The following GNG7 variants were observed in gnomAD, a reference collection of about 807,000 sequenced individuals.
GNG7 encodes the protein guanine nucleotide-binding protein G(I)/G(S)/G(O) subunit gamma-7.
A neutral mutation model predicts 4.0 loss-of-function variants in GNG7; 1 was observed. The observed-to-expected ratio is 0.25, with a 90% confidence interval of 0.09 to 1.18. GNG7 has a LOEUF of 1.18. Among genes scored for constraint, GNG7 ranks in the 50% most tolerant of loss-of-function variants. The pLI, the probability that GNG7 is intolerant of heterozygous loss-of-function variation, is 0.50. For missense variants in GNG7, 86 were observed against 91.9 expected (o/e 0.94, Z 0.26); for synonymous variants, 34 against 36.9 (o/e 0.92, Z 0.29).
At chr19:2,622,579 G>A (rs1302338582) in intron 2 of GNG7, among the ~76,000 whole-genome samples, 1 of 141,542 alleles carries the variant, frequency 7.1e-6, no homozygotes, top group South Asian at 2.3e-4. Context: ...CGCGAGCAAC[G>A]CGGCAGAGAG....
chr19:2,586,276 G>T (rs1397448170), intron 2 of GNG7, among the ~76,000 whole-genome samples: 1 of 152,210 alleles, frequency 6.6e-6, no homozygotes, highest in Non-Finnish European at 1.5e-5. Context: ...AGCCCAAGCT[G>T]TGTGGCAAGA....
intron 1 of GNG7, among the ~76,000 whole-genome samples, chr19:2,651,327 CTCCCTACCTTCCCTCCA>C (rs1982816402): frequency 7.0e-5 from 5 of 71,236 alleles, no homozygotes; most frequent in Non-Finnish European, 1.4e-4. Flanking sequence ...CCCTCCCTCC[CTCCCTACCTTCCCTCCA>C]TCCCTCCCTC....
chr19:2,551,134 G>A (rs767682953), intron 3 of GNG7, among the ~76,000 whole-genome samples: 7 of 152,220 alleles, frequency 4.6e-5, no homozygotes, highest in Middle Eastern at 3.2e-3. Context: ...GTCCAGCCAC[G>A]CTGCCATCAG....
intron 1 of GNG7, among the ~76,000 whole-genome samples, chr19:2,650,181 A>ATTTTT (rs1350943359): frequency 9.0e-6 from 1 of 111,192 alleles, no homozygotes; most frequent in African/African-American, 3.9e-5. Flanking sequence ...TGTCATAGGA[A>ATTTTT]TCTTTTTTTT....
intron 2 of GNG7, among the ~76,000 whole-genome samples, chr19:2,590,253 T>C (rs958892072): frequency 5.9e-5 from 9 of 152,152 alleles, no homozygotes; most frequent in African/African-American, 1.7e-4. Flanking sequence ...AAAACAAAAC[T>C]ATAAGAGGTA....
At chr19:2,584,934 G>A (rs1448943138) in intron 2 of GNG7, among the ~76,000 whole-genome samples, 17 of 39,950 alleles carry the variant, frequency 4.3e-4, no homozygotes, top group East Asian at 1.5e-3. Flanking sequence ...GAAGGAAGGA[G>A]GGAGGGAGGG....
chr19:2,548,778 ACT>A (rs1979216620), intron 3 of GNG7, among the ~76,000 whole-genome samples: 1 of 151,050 alleles, frequency 6.6e-6, no homozygotes, highest in Non-Finnish European at 1.5e-5. Flanking sequence ...GCAGAGCGAG[ACT>A]CTGTCTCAAA....
intron 2 of GNG7, among the ~76,000 whole-genome samples, chr19:2,605,883 C>T (rs940727271): frequency 1.3e-5 from 2 of 152,138 alleles, no homozygotes; most frequent in African/African-American, 4.8e-5. Flanking sequence ...AATCTGCCGT[C>T]TGAAGATCCT....
At position 2,673,761 on chromosome 19, in the gene GNG7, G is replaced by A. The variant is rs112599501; in HGVS notation, c.-134-27481C>T. ...GTAAATAAAGTGTGGAGTTGAGTTC[G>A]TGATAATGTATGGATACTGGTCTTT... On this transcript the variant is annotated intron_variant, in intron 1 of 4. Transcript: ENST00000382159. Among the ~76,000 whole-genome samples the A allele has an allele frequency of 3.6e-3, 549 of 151,914 alleles. 5 individuals are homozygous for A. The highest frequency in any genetic ancestry group is 0.013 in the African/African-American group (520 of 41,480).
chr19:2,659,610 AAGAG>A (rs1555701398), intron 1 of GNG7, among the ~76,000 whole-genome samples: 1 of 121,470 alleles, frequency 8.2e-6, no homozygotes, highest in Non-Finnish European at 1.6e-5. Flanking sequence ...AAAAAAAAAA[AAGAG>A]AGGAGGGGAG....
rs1980100316 is a variant in GNG7 at position 2,570,101 on chromosome 19, TC to T, written c.-77-14914del. The stretch of plus-strand genomic sequence containing the variant: ...GCTCTCCCCTCGGGAATGAGCGAGT[TC>T]CCACTCTGTTAGTTCACGGACGACC... On this transcript the variant is annotated intron_variant, in intron 2 of 4. Coordinates refer to ENST00000382159, the MANE Select transcript of GNG7 (RefSeq NM_052847.3). Among the ~76,000 whole-genome samples the T allele has an allele frequency of 3.9e-5, 6 of 151,974 alleles. No homozygotes were observed. In the South Asian group the frequency reaches 1.0e-3, roughly 26 times the overall value.
rs113980932 is a variant in GNG7 at position 2,594,447 on chromosome 19, G to GAAGGAAGGAAGGAAGGAAGGA, written c.-77-39260_-77-39259insTCCTTCCTTCCTTCCTTCCTT. ...GGAAGGAAGGAAGGAAGGAAGGAAGGAGGAAGAAAGAAACTGCAAATTTAA... is the reference window on the plus strand; with the variant it reads ...GGAAGGAAGGAAGGAAGGAAGGAAGGAAGGAAGGAAGGAAGGAAGGAAGGAAGAAAGAAACTGCAAATTTAA... On this transcript the variant is annotated intron_variant, in intron 2 of 4. Coordinates refer to ENST00000382159, the MANE Select transcript of GNG7 (RefSeq NM_052847.3). 2.0e-4 allele frequency among the ~76,000 whole-genome samples: 26 copies of GAAGGAAGGAAGGAAGGAAGGA among 127,130 alleles called. 1 individual carries two copies. The highest frequency in any genetic ancestry group is 8.5e-4 in the African/African-American group (23 of 27,096). 83.4% of individuals were successfully genotyped at this position (127,130 alleles called of 152,430 possible). A position where few individuals can be genotyped will look rare whatever the true frequency, so the allele number is the denominator to read the frequency against.
At chr19:2,523,857 C>A (rs1307327863) in intron 3 of GNG7, among the ~76,000 whole-genome samples, 1 of 152,152 alleles carries the variant, frequency 6.6e-6, no homozygotes, top group Non-Finnish European at 1.5e-5. Flanking sequence ...TGACACCGCC[C>A]AGCCTCCTTG....
intron 1 of GNG7, among the ~76,000 whole-genome samples, chr19:2,657,395 T>TACACACAC (rs1425989232): frequency 1.1e-4 from 10 of 94,400 alleles, no homozygotes; most frequent in African/African-American, 4.0e-4. Flanking sequence ...TATATATATA[T>TACACACAC]ATATACACAT....
intron 3 of GNG7, among the ~76,000 whole-genome samples, chr19:2,548,080 C>T (rs1193442364): frequency 1.3e-5 from 2 of 152,158 alleles, no homozygotes; most frequent in Admixed American, 6.5e-5. Flanking sequence ...CCACTCCAGC[C>T]CTGGTGTTGT....
chr19:2,644,327 TTATATATATATATA>T (rs56143197), intron 2 of GNG7, among the ~76,000 whole-genome samples: 1,411 of 113,810 alleles, frequency 0.012, 19 homozygotes, highest in Non-Finnish European at 0.018. Context: ...GGCCTACACT[TTATATATATATATA>T]TATATATATA....
intron 1 of GNG7, among the ~76,000 whole-genome samples, chr19:2,668,010 G>C (rs528209820): frequency 2.0e-4 from 31 of 152,182 alleles, no homozygotes; most frequent in Non-Finnish European, 4.0e-4. Context: ...TGGGGCAGGA[G>C]AGGACATTAG....
intron 2 of GNG7, among the ~76,000 whole-genome samples, chr19:2,579,165 C>T (rs1275216377): frequency 1.3e-5 from 2 of 152,272 alleles, no homozygotes; most frequent in Admixed American, 6.5e-5. Flanking sequence ...TGGGTGCCCC[C>T]GGCCGGGCAG....
At chr19:2,631,421 G>T (rs1982155643) in intron 2 of GNG7, among the ~76,000 whole-genome samples, 1 of 152,230 alleles carries the variant, frequency 6.6e-6, no homozygotes, top group South Asian at 2.1e-4. Context: ...TAGGCTGAGG[G>T]TCAGCAAACC....
Sources: allele counts gnomAD v4.1 joint callset (sites outside exome capture counted in the v4.1 genomes callset), GRCh38; gene constraint gnomAD v4.1.1; transcripts MANE v1.5; gene names NCBI Gene and HGNC (gene_info 2026-07-23, HGNC 2026-07-21).